FYB1: variants seen among roughly 807,000 people sequenced by gnomAD.
FYB1 encodes FYN binding protein 1.
A neutral mutation model predicts 94.1 loss-of-function variants in FYB1; 41 were observed. The ratio of observed to expected loss-of-function variants is 0.44; its 90% CI spans 0.34 to 0.57. The LOEUF (loss-of-function observed/expected upper bound fraction) is 0.57. Among genes scored for constraint, FYB1 ranks in the 20% least tolerant of loss-of-function variants. FYB1 has a pLI of 0.02. For synonymous variants in FYB1, 367 were observed against 353.2 expected (o/e 1.04, Z -0.44); for missense variants, 1,050 against 976.8 (o/e 1.07, Z -1.00).
At position 39,110,374 on chromosome 5, in the gene FYB1, C is replaced by G. The variant is rs376078550; in HGVS notation, c.2417G>C (p.Arg806Pro). Residue 806 changes from arginine (R) to proline (P), a missense_variant, in exon 17 of 19, where the codon CGG becomes CCG. Coordinates refer to ENST00000512982, the MANE Select transcript of FYB1 (RefSeq NM_001465.6). ...GGCTTACTTGTCCGCTAGGTAACTCCGAAGGACATAACCATCTACGAAGGA... is the reference window on the plus strand; with the variant it reads ...GGCTTACTTGTCCGCTAGGTAACTCGGAAGGACATAACCATCTACGAAGGA... ...NEEGKYGYVL[R>P]SYLADNDGEI... 2.5e-6 allele frequency: 4 copies of G among 1,593,252 alleles called. No individual in the cohort carries two copies. In the East Asian group the frequency reaches 6.8e-5, roughly 27 times the overall value.
intron 2 of FYB1, among the ~76,000 whole-genome samples, chr5:39,186,035 C>G (rs1186470678): frequency 6.6e-6 from 1 of 152,088 alleles, no homozygotes; most frequent in African/African-American, 2.4e-5. Flanking sequence ...TGTCAAAGTG[C>G]CCCATGTCCG....
At chr5:39,228,814 T>C (rs778561106) in intron 1 of FYB1, among the ~76,000 whole-genome samples, 14 of 152,222 alleles carry the variant, frequency 9.2e-5, no homozygotes, top group Non-Finnish European at 1.5e-4. Flanking sequence ...CTCTGACTTA[T>C]GATGTAATCT....
chr5:39,200,030 T>C (rs1561252175), intron 2 of FYB1, among the ~76,000 whole-genome samples: 1 of 152,190 alleles, frequency 6.6e-6, no homozygotes, highest in Non-Finnish European at 1.5e-5. Context: ...GGATACATTT[T>C]GGAGCATAAT....
chr5:39,126,268 T>C, intron 11 of FYB1, 133 bp from the exon 12 acceptor site: 1 of 924,258 alleles, frequency 1.1e-6, no homozygotes, highest in Non-Finnish European at 1.6e-6. Context: ...ATAACTCATT[T>C]TATTGGACAA....
Position 39,106,447 on chromosome 5 carries a change from A to T in FYB1, c.*996T>A, listed in dbSNP as rs1349596175. ...TGGATTGCTTTGGGAATGAGTATGT[A>T]CTGTTAGAGAAGGGCCCAATCCAAA... On this transcript the variant is annotated 3_prime_UTR_variant, in exon 19 of 19. Transcript: ENST00000512982. 2 of 152,128 alleles carry T rather than the reference A, an allele frequency of 1.3e-5. No homozygotes were observed. The highest frequency in any genetic ancestry group is 2.9e-5 in the Non-Finnish European group (2 of 68,008). The allele number at this position is 152,128 out of a possible 1,614,324, so 9.4% of individuals were successfully genotyped here. A position where few individuals can be genotyped will look rare whatever the true frequency, so the allele number is the denominator to read the frequency against.
At chr5:39,184,128 T>C (rs962741679) in intron 2 of FYB1, among the ~76,000 whole-genome samples, 6 of 152,148 alleles carry the variant, frequency 3.9e-5, no homozygotes, top group African/African-American at 1.4e-4. Flanking sequence ...TAAAAATTAA[T>C]TTTCTAGGGT....
At chr5:39,236,724 A>C (rs1222878632) in intron 1 of FYB1, among the ~76,000 whole-genome samples, 1 of 152,148 alleles carries the variant, frequency 6.6e-6, no homozygotes, top group Admixed American at 6.6e-5. Context: ...CTGGAAATAA[A>C]TGTTGTAAAT....
chr5:39,168,574 A>G (rs545334481), intron 2 of FYB1, among the ~76,000 whole-genome samples: 1 of 152,306 alleles, frequency 6.6e-6, no homozygotes, highest in East Asian at 1.9e-4. Flanking sequence ...CACCTTATTT[A>G]TCTAATCTGT....
chr5:39,160,673 T>A (rs895114192), intron 2 of FYB1, among the ~76,000 whole-genome samples: 25 of 152,346 alleles, frequency 1.6e-4, no homozygotes, highest in African/African-American at 5.8e-4. Context: ...TTAGATTCTA[T>A]GCCTATTAAA....
At chr5:39,207,672 TTAGG>T (rs1748980323) in intron 1 of FYB1, among the ~76,000 whole-genome samples, 3 of 152,182 alleles carry the variant, frequency 2.0e-5, no homozygotes. Flanking sequence ...ATCTCTATTA[TTAGG>T]AACAGGATTT....
intron 2 of FYB1, among the ~76,000 whole-genome samples, chr5:39,184,149 T>C (rs1244047121): frequency 6.6e-6 from 1 of 152,176 alleles, no homozygotes; most frequent in Admixed American, 6.5e-5. Context: ...AATTTTGTGA[T>C]CTTATAAGAA....
intron 1 of FYB1, among the ~76,000 whole-genome samples, chr5:39,231,852 C>T (rs10512702): frequency 0.22 from 33,226 of 151,892 alleles, 4,309 homozygotes; most frequent in Non-Finnish European, 0.3. Flanking sequence ...AGTCATTAGA[C>T]CACAGTGCCA....
chr5:39,178,875 C>T (rs1745967615), intron 2 of FYB1, among the ~76,000 whole-genome samples: 1 of 152,078 alleles, frequency 6.6e-6, no homozygotes, highest in South Asian at 2.1e-4. Flanking sequence ...CTTAGGAAAT[C>T]CTTTATGTTA....
chr5:39,200,489 G>T (rs1305585032), intron 2 of FYB1, among the ~76,000 whole-genome samples: 1 of 152,144 alleles, frequency 6.6e-6, no homozygotes, highest in Non-Finnish European at 1.5e-5. Flanking sequence ...CCGAGGTGAA[G>T]AAATAAGAGA....
chr5:39,140,071 C>T (rs1026865357), intron 4 of FYB1: 10 of 152,042 alleles, frequency 6.6e-5, no homozygotes, highest in Non-Finnish European at 1.5e-4. Flanking sequence ...AAAATGAGAA[C>T]ATTTTTATTT....
In FYB1 at chr5:39,191,728, GA is replaced by G. The variant is rs1322813178; in HGVS notation, c.1135+10097del. ...TCTGTCCCTTATTCCTCAGATGCTGGAAAAACAAATAATCTATTGTTCTAGA... is the reference window on the plus strand; with the variant it reads ...TCTGTCCCTTATTCCTCAGATGCTGGAAAACAAATAATCTATTGTTCTAGA... On this transcript the variant is annotated intron_variant, in intron 2 of 18. Coordinates refer to ENST00000512982, the MANE Select transcript of FYB1 (RefSeq NM_001465.6). 3.3e-5 allele frequency among the ~76,000 whole-genome samples: 5 copies of G among 152,212 alleles called. No individual in the cohort carries two copies. In the East Asian group the frequency reaches 9.6e-4, roughly 29 times the overall value.
intron 2 of FYB1, among the ~76,000 whole-genome samples, chr5:39,160,065 T>C (rs889562706): frequency 2.6e-5 from 4 of 152,336 alleles, no homozygotes; most frequent in African/African-American, 9.6e-5. Flanking sequence ...TTGGATGGCC[T>C]CATGGAGAAG....
rs948180771 is a variant in FYB1 at position 39,108,253 on chromosome 5, C to G, written c.2445G>C (p.Glu815Asp). 1 of 1,527,198 alleles carries G rather than the reference C, an allele frequency of 6.5e-7. No individual in the cohort carries two copies. The highest frequency in any genetic ancestry group is 8.9e-7 in the Non-Finnish European group (1 of 1,128,370). 94.6% of individuals were successfully genotyped at this position (1,527,198 alleles called of 1,614,324 possible). A position where few individuals can be genotyped will look rare whatever the true frequency, so the allele number is the denominator to read the frequency against. The stretch of plus-strand genomic sequence containing the variant: ...TACCATCAGCAATATCATCATAGAT[C>G]TCTCCATCACTGTAAATGTAAAAAA... ...LRSYLADNDG[E>D]IYDDIADGCI... is the part of the protein sequence containing the mutation. Residue 815 changes from glutamate to aspartate, a missense_variant, in exon 18 of 19, where the codon GAG (glutamate) becomes GAC (aspartate). Glu to Asp is a conservative substitution (Grantham distance 45). Coordinates refer to ENST00000512982, the MANE Select transcript of FYB1 (RefSeq NM_001465.6).
Position 39,225,604 on chromosome 5 carries a change from C to T in FYB1, c.-27-22617G>A, listed in dbSNP as rs114301887. Among the ~76,000 whole-genome samples, 988 of 152,266 alleles carry T rather than the reference C, an allele frequency of 6.5e-3. 14 individuals carry two copies. Among genetic ancestry groups the T allele is most frequent in the African/African-American group, 0.023 (937 of 41,542 alleles). Reference sequence around the variant, plus strand: ...TTTTATTCAAATAAACTGCTAAATTCATCTTGTACGAAATTTTTCTTATAA... The same window carrying T: ...TTTTATTCAAATAAACTGCTAAATTTATCTTGTACGAAATTTTTCTTATAA... On this transcript the variant is annotated intron_variant, in intron 1 of 1. Transcript: ENST00000510188.
Sources: allele counts gnomAD v4.1 joint callset (sites outside exome capture counted in the v4.1 genomes callset), GRCh38; gene constraint gnomAD v4.1.1; transcripts MANE v1.5; gene names NCBI Gene and HGNC (gene_info 2026-07-23, HGNC 2026-07-21).